Variants in LY86 observed in about 807,000 individuals in gnomAD.
LY86 encodes the protein MD-1, RP105-associated.
Under a neutral mutation model 17.3 loss-of-function variants are expected in LY86, and 20 were observed. The observed-to-expected ratio is 1.15, with a 90% confidence interval of 0.81 to 1.68. LY86 has a LOEUF of 1.68. Ranked by LOEUF, LY86 falls within the 40% of genes most tolerant of loss-of-function variation. The pLI, the probability that LY86 is intolerant of heterozygous loss-of-function variation, is 0.00. For missense variants in LY86, 200 were observed against 191.9 expected (o/e 1.04, Z -0.25); for synonymous variants, 74 against 70.6 (o/e 1.05, Z -0.24).
chr6:6,616,150 T>G (rs1463252775), intron 1 of LY86, among the ~76,000 whole-genome samples: 1 of 152,166 alleles, frequency 6.6e-6, no homozygotes, highest in Non-Finnish European at 1.5e-5. Context: ...CCAGTTTCCT[T>G]TGGGTTGAGA....
chr6:6,607,556 G>A (rs1581237776), intron 1 of LY86, among the ~76,000 whole-genome samples: 1 of 152,016 alleles, frequency 6.6e-6, no homozygotes. Flanking sequence ...AAGAAGGGAG[G>A]AAAGGCATAA....
intron 1 of LY86, among the ~76,000 whole-genome samples, chr6:6,606,438 T>C (rs950080185): frequency 1.3e-4 from 20 of 152,292 alleles, no homozygotes; most frequent in African/African-American, 4.1e-4. Context: ...GGGCGGCAGG[T>C]GGAGCTGCCT....
At position 6,600,619 on chromosome 6, in the gene LY86, A is replaced by G. The variant is rs1216906638; in HGVS notation, c.136+11749A>G. Among the ~76,000 whole-genome samples, 65 of 123,060 alleles carry G rather than the reference A, an allele frequency of 5.3e-4. 2 individuals are homozygous for G. The South Asian group carries it at 7.1e-3, about 13-fold the overall frequency. The allele number at this position is 123,060 out of a possible 152,430, so 80.7% of individuals were successfully genotyped here. ...AAAAAAAAAAAAAAAAAAAAAAAAAAAAAAAAAAAGAAAATATAGCAGGTC... is the reference window on the plus strand; with the variant it reads ...AAAAAAAAAAAAAAAAAAAAAAAAAGAAAAAAAAAGAAAATATAGCAGGTC... On this transcript the variant is annotated intron_variant, in intron 1 of 4. Transcript: ENST00000230568.
intron 1 of LY86, 145 bp downstream of exon 1, chr6:6,589,015 G>A: frequency 9.1e-7 from 1 of 1,094,148 alleles, no homozygotes; most frequent in South Asian, 1.7e-5. Context: ...AGGTCTGGGA[G>A]GGCCACTGGG....
chr6:6,623,989 G>A (rs1304381839), intron 1 of LY86, among the ~76,000 whole-genome samples: 1 of 152,176 alleles, frequency 6.6e-6, no homozygotes, highest in Non-Finnish European at 1.5e-5. Flanking sequence ...AAGAGTTCAA[G>A]GAAGCAAGAG....
chr6:6,602,722 G>A (rs567292726), intron 1 of LY86, among the ~76,000 whole-genome samples: 10 of 152,248 alleles, frequency 6.6e-5, no homozygotes, highest in Admixed American at 1.3e-4. Flanking sequence ...ATATCTCAAG[G>A]GGGAAGAAAC....
chr6:6,603,603 C>CAACA (rs1207511602), intron 1 of LY86, among the ~76,000 whole-genome samples: 6 of 70,464 alleles, frequency 8.5e-5, no homozygotes, highest in Non-Finnish European at 1.6e-4. Context: ...AAAACAGAAA[C>CAACA]AGAAAAAAAA....
At chr6:6,594,055 A>C (rs1342715910) in intron 1 of LY86, among the ~76,000 whole-genome samples, 1 of 152,204 alleles carries the variant, frequency 6.6e-6, no homozygotes, top group Non-Finnish European at 1.5e-5. Context: ...GGTCAGATAG[A>C]GTTCTGGATT....
chr6:6,612,365 A>G (rs1406553899), intron 1 of LY86, among the ~76,000 whole-genome samples: 1 of 152,220 alleles, frequency 6.6e-6, no homozygotes, highest in Non-Finnish European at 1.5e-5. Context: ...AAGGTGATAC[A>G]TTTGGAGTGT....
intron 3 of LY86, among the ~76,000 whole-genome samples, chr6:6,644,479 G>GCA: frequency 1.3e-5 from 2 of 152,012 alleles, no homozygotes; most frequent in Admixed American, 1.3e-4. Context: ...AACCGAGATT[G>GCA]CACAACCTGG....
chr6:6,639,689 AC>A (rs1200182277), intron 3 of LY86, among the ~76,000 whole-genome samples: 1 of 151,584 alleles, frequency 6.6e-6, no homozygotes, highest in Non-Finnish European at 1.5e-5. Context: ...ATTACATTGG[AC>A]CCCCCTGGGC....
rs1760430258 is a variant in LY86, at chr6:6,588,753, ACT to A, written c.24_25del (p.Phe9ProfsTer25). On this transcript the variant is annotated frameshift_variant, in exon 1 of 5. Coordinates refer to ENST00000230568, the MANE Select transcript of LY86 (RefSeq NM_004271.4). LOFTEE classifies it high-confidence loss of function. Reference sequence around the variant, plus strand: ...CCCCACCATGAAGGGTTTCACAGCCACTCTCTTCCTCTGGACTCTGATTTTTC... The same window carrying A: ...CCCCACCATGAAGGGTTTCACAGCCACTCTTCCTCTGGACTCTGATTTTTC... The part of the protein sequence containing the change: MKGFTA[T>X]LFLWTLIFPS... 7.4e-6 allele frequency: 12 copies of A among 1,613,684 alleles called. No individual in the cohort carries two copies. Among genetic ancestry groups the A allele is most frequent in the East Asian group, 2.2e-5 (1 of 44,876 alleles).
chr6:6,630,991 A>G lies in LY86; in HGVS notation c.352+4570A>G, dbSNP rs371948036. On this transcript the variant is annotated intron_variant, in intron 3 of 4. Transcript: ENST00000230568. The stretch of plus-strand genomic sequence containing the variant: ...CATTAATATATTATTTTAATCATTT[A>G]TCAATGATAAGATATTAATATTATA... Among the ~76,000 whole-genome samples the G allele has an allele frequency of 1.8e-4, 28 of 152,284 alleles. No individual in the cohort carries two copies. The East Asian group carries it at 4.4e-3, about 24-fold the overall frequency.
rs564007323 is a variant in LY86 at position 6,625,935 on chromosome 6, C to G, written c.224-358C>G. Among the ~76,000 whole-genome samples, 13 of 152,302 alleles carry G rather than the reference C, an allele frequency of 8.5e-5. No individual in the cohort carries two copies. In the South Asian group the frequency reaches 2.5e-3, roughly 29 times the overall value. On this transcript the variant is annotated intron_variant, in intron 2 of 4. Transcript: ENST00000230568. ...GCAGGTGTATGTAGGCGTGACCACACCCCACCGCCATCATGGGGAACAAAT... is the reference window on the plus strand; with the variant it reads ...GCAGGTGTATGTAGGCGTGACCACAGCCCACCGCCATCATGGGGAACAAAT...
intron 3 of LY86, among the ~76,000 whole-genome samples, chr6:6,632,274 C>A (rs534852118): frequency 6.6e-6 from 1 of 152,248 alleles, no homozygotes; most frequent in African/African-American, 2.4e-5. Context: ...AGAGAGCAGG[C>A]CTGGAGGTCT....
At chr6:6,624,767 G>C (rs1761753722) in intron 1 of LY86, among the ~76,000 whole-genome samples, 159 bp from the exon 2 acceptor site, 1 of 152,196 alleles carries the variant, frequency 6.6e-6, no homozygotes, top group Non-Finnish European at 1.5e-5. Flanking sequence ...ACGGGGGGGA[G>C]CTGATGAAAA....
chr6:6,642,239 TA>T (rs1290588458), intron 3 of LY86, among the ~76,000 whole-genome samples: 1 of 152,248 alleles, frequency 6.6e-6, no homozygotes, highest in Admixed American at 6.5e-5. Flanking sequence ...TGATCCCACT[TA>T]ACCCTGAGCC....
chr6:6,608,829 GAA>G (rs1348562556), intron 1 of LY86, among the ~76,000 whole-genome samples: 1 of 152,226 alleles, frequency 6.6e-6, no homozygotes, highest in Non-Finnish European at 1.5e-5. Context: ...GTCTGCGGGG[GAA>G]GGACGGCTGT....
intron 1 of LY86, among the ~76,000 whole-genome samples, chr6:6,614,022 C>T (rs75470240): frequency 0.019 from 2,934 of 152,290 alleles, 44 homozygotes; most frequent in Non-Finnish European, 0.027. Flanking sequence ...ACTTACATTC[C>T]CTAAAAGAAT....
Sources: gnomAD v4.1 joint callset for allele counts (sites outside exome capture counted in the v4.1 genomes callset) on GRCh38, gnomAD v4.1.1 for gene constraint, MANE v1.5 for transcripts, NCBI Gene and HGNC (gene_info 2026-07-23, HGNC 2026-07-21) for gene names.